SPOCK3: variants seen among roughly 807,000 people sequenced by gnomAD.
The protein encoded by SPOCK3 is SPARC (osteonectin), cwcv and kazal like domains proteoglycan 3.
In SPOCK3, 30 loss-of-function variants were observed where a neutral mutation model predicts 56.6. The observed-to-expected ratio is 0.53, with a 90% CI of 0.40 to 0.72. SPOCK3 has a LOEUF of 0.72. SPOCK3 is among the 30% of genes least tolerant of loss of function. The pLI is 0.00. For missense variants in SPOCK3, 527 were observed against 530.0 expected (o/e 0.99, Z 0.06); for synonymous variants, 196 against 183.3 (o/e 1.07, Z -0.56).
chr4:166,805,588 G>A (rs1743077597), intron 6 of SPOCK3, among the ~76,000 whole-genome samples: 1 of 152,048 alleles, frequency 6.6e-6, no homozygotes, highest in African/African-American at 2.4e-5. Flanking sequence ...ATCAAAAAAT[G>A]CATATTTAAT....
chr4:166,799,420 G>A (rs558267564), intron 6 of SPOCK3, among the ~76,000 whole-genome samples: 54 of 152,230 alleles, frequency 3.5e-4, no homozygotes, highest in African/African-American at 1.2e-3. Flanking sequence ...CCGAATACCT[G>A]AGGACATTTG....
chr4:167,102,169 A>G (rs1580295158), intron 2 of SPOCK3, among the ~76,000 whole-genome samples: 1 of 151,868 alleles, frequency 6.6e-6, no homozygotes, highest in East Asian at 1.9e-4. Context: ...TCAGATTGAA[A>G]CCTCAGGTAA....
intron 2 of SPOCK3, among the ~76,000 whole-genome samples, chr4:167,177,036 G>A (rs1731046096): frequency 6.6e-6 from 1 of 152,086 alleles, no homozygotes; most frequent in South Asian, 2.1e-4. Context: ...TCATTAACAA[G>A]GCAGTATTCC....
chr4:166,940,308 G>T (rs180816482), intron 4 of SPOCK3, among the ~76,000 whole-genome samples: 2 of 152,232 alleles, frequency 1.3e-5, no homozygotes, highest in East Asian at 3.9e-4. Flanking sequence ...ACTACAAGGT[G>T]ATTTGGCCTG....
At chr4:167,160,336 G>A (rs1448149111) in intron 2 of SPOCK3, among the ~76,000 whole-genome samples, 1 of 152,124 alleles carries the variant, frequency 6.6e-6, no homozygotes, top group Non-Finnish European at 1.5e-5. Flanking sequence ...ACTTAAAAGG[G>A]ATGTGAAGGA....
chr4:166,753,762 T>TA (rs201805704), intron 8 of SPOCK3, among the ~76,000 whole-genome samples: 225 of 152,174 alleles, frequency 1.5e-3, no homozygotes, highest in African/African-American at 5.2e-3. Flanking sequence ...ACATTACACT[T>TA]ACCATTGTTT....
chr4:166,885,537 T>C (rs1455434053), intron 6 of SPOCK3, among the ~76,000 whole-genome samples: 1 of 152,112 alleles, frequency 6.6e-6, no homozygotes, highest in African/African-American at 2.4e-5. Flanking sequence ...AAGCAAGGGA[T>C]GGCTTTCTTG....
chr4:167,167,725 TA>T (rs1730111638), intron 2 of SPOCK3, among the ~76,000 whole-genome samples: 1 of 152,192 alleles, frequency 6.6e-6, no homozygotes, highest in Non-Finnish European at 1.5e-5. Flanking sequence ...AGACCTTTTT[TA>T]GTTTATCAAT....
intron 3 of SPOCK3, among the ~76,000 whole-genome samples, chr4:167,040,307 G>A (rs187209519): frequency 6.6e-6 from 1 of 152,238 alleles, no homozygotes; most frequent in African/African-American, 2.4e-5. Flanking sequence ...AGCACTCAGT[G>A]ATAAATGACA....
At chr4:167,165,650 C>T (rs1270920450) in intron 2 of SPOCK3, among the ~76,000 whole-genome samples, 1 of 151,986 alleles carries the variant, frequency 6.6e-6, no homozygotes, top group Non-Finnish European at 1.5e-5. Context: ...TGAAAGCATA[C>T]ATGTACTGAA....
chr4:167,215,257 G>T (rs534090215), intron 2 of SPOCK3, among the ~76,000 whole-genome samples: 1 of 152,166 alleles, frequency 6.6e-6, no homozygotes, highest in African/African-American at 2.4e-5. Flanking sequence ...GATCTGCAAA[G>T]AATAGGTTTC....
intron 3 of SPOCK3, among the ~76,000 whole-genome samples, chr4:167,002,567 T>G (rs1421563258): frequency 6.6e-6 from 1 of 152,166 alleles, no homozygotes; most frequent in East Asian, 1.9e-4. Context: ...CTTTCCTTGT[T>G]TGGTCAGTAG....
chr4:167,019,164 T>A (rs1413997993), intron 3 of SPOCK3, among the ~76,000 whole-genome samples: 1 of 152,004 alleles, frequency 6.6e-6, no homozygotes, highest in African/African-American at 2.4e-5. Flanking sequence ...ACAAAACGAG[T>A]TTCACAATCT....
Position 167,000,388 on chromosome 4 carries a change from T to C in SPOCK3, c.311A>G (p.Gln104Arg). The change falls in exon 4 of 11, where the codon CAG (glutamine) becomes CGG (arginine). Residue 104 changes from glutamine to arginine, a missense_variant. Coordinates refer to ENST00000357545, the MANE Select transcript of SPOCK3 (RefSeq NM_001040159.2). The stretch of plus-strand genomic sequence containing the variant: ...CCGGTGACTAATGCAGACTGCAGTC[T>C]GAGAATCTTGAGCAATGCATACTTT... ...RHKVCIAQDS[Q>R]TAVCISHRRL... 6.2e-7 allele frequency: 1 copy of C among 1,606,260 alleles called. No individual in the cohort carries two copies. Among genetic ancestry groups the C allele is most frequent in the Non-Finnish European group, 8.5e-7 (1 of 1,175,470 alleles).
chr4:166,776,883 A>G (rs1739607335), intron 7 of SPOCK3, among the ~76,000 whole-genome samples: 1 of 152,226 alleles, frequency 6.6e-6, no homozygotes, highest in African/African-American at 2.4e-5. Flanking sequence ...TTATCAAGGA[A>G]ATAAACAATA....
intron 2 of SPOCK3, among the ~76,000 whole-genome samples, chr4:167,224,940 C>T (rs1283643780): frequency 1.3e-5 from 2 of 152,174 alleles, no homozygotes; most frequent in African/African-American, 4.8e-5. Context: ...GCTGGGATTA[C>T]AGGCATGAGC....
intron 6 of SPOCK3, among the ~76,000 whole-genome samples, chr4:166,858,887 A>G (rs1012820670): frequency 6.6e-6 from 1 of 152,152 alleles, no homozygotes; most frequent in African/African-American, 2.4e-5. Flanking sequence ...AATTTGCTAT[A>G]TGTATATACA....
At chr4:167,016,364 A>G (rs1003068127) in intron 3 of SPOCK3, among the ~76,000 whole-genome samples, 1 of 152,144 alleles carries the variant, frequency 6.6e-6, no homozygotes, top group African/African-American at 2.4e-5. Flanking sequence ...GTTAAAGAGG[A>G]TAAAATGCTG....
At chr4:166,778,496 T>C (rs1224240096) in intron 7 of SPOCK3, among the ~76,000 whole-genome samples, 1 of 152,182 alleles carries the variant, frequency 6.6e-6, no homozygotes, top group Non-Finnish European at 1.5e-5. Flanking sequence ...TACTGTCAGA[T>C]TTGGCGAGGG....
Sources: gnomAD v4.1 joint callset for allele counts (sites outside exome capture counted in the v4.1 genomes callset) on GRCh38, gnomAD v4.1.1 for gene constraint, MANE v1.5 for transcripts, NCBI Gene and HGNC (gene_info 2026-07-23, HGNC 2026-07-21) for gene names.